STK32A: variants seen among roughly 807,000 people sequenced by gnomAD.
STK32A encodes the protein serine/threonine-protein kinase 32A.
In STK32A, 41 loss-of-function variants were observed where a neutral mutation model predicts 53.2. That is an observed-to-expected ratio of 0.77 (90% CI 0.60 to 1.00). The LOEUF is 1.00. Among genes scored for constraint, STK32A ranks in the 50% least tolerant of loss-of-function variants. The pLI is 0.00. For synonymous variants in STK32A, 166 were observed against 162.8 expected, an observed-to-expected ratio of 1.02 and a Z score of -0.15; for missense variants, 458 against 485.8, an observed-to-expected ratio of 0.94 and a Z score of 0.54.
At chr5:147,304,456 T>A in intron 4 of STK32A, among the ~76,000 whole-genome samples, 1 of 152,126 alleles carries the variant, frequency 6.6e-6, no homozygotes, top group East Asian at 1.9e-4. Flanking sequence ...AGGCAGTAAG[T>A]GAATCTGGAG....
rs1210269470 is a variant in STK32A, at chr5:147,387,347, C to A, written c.*3364C>A. ...GAACAGCAACCAGCACAGAGCATTGCTAAATTAATTACAGTAATCTAATTA... is the reference window on the plus strand; with the variant it reads ...GAACAGCAACCAGCACAGAGCATTGATAAATTAATTACAGTAATCTAATTA... On this transcript the variant is annotated 3_prime_UTR_variant, in exon 13 of 13. Coordinates refer to ENST00000397936, the MANE Select transcript of STK32A (RefSeq NM_001112724.2). 2.0e-5 allele frequency: 3 copies of A among 152,228 alleles called. No individual in the cohort carries two copies. The highest frequency in any genetic ancestry group is 4.4e-5 in the Non-Finnish European group (3 of 68,042). The allele number at this position is 152,228 out of a possible 1,614,324, so 9.4% of individuals were successfully genotyped here.
At chr5:147,274,868 G>C (rs148076673) in intron 2 of STK32A, among the ~76,000 whole-genome samples, 5 of 152,218 alleles carry the variant, frequency 3.3e-5, no homozygotes, top group Non-Finnish European at 7.4e-5. Flanking sequence ...TCTGTCTTCA[G>C]GGACTGTGCT....
At position 147,375,920 on chromosome 5, in the gene STK32A, GGTCATC is replaced by G. The variant is rs1267570281; in HGVS notation, c.1032+703_1032+708del. Reference sequence around the variant, plus strand: ...GTAATAAAGTTACTTTGCCTCTAAAGGTCATCTATCTATCCACACGACCATTTCCAT... The same window carrying G: ...GTAATAAAGTTACTTTGCCTCTAAAGTATCTATCCACACGACCATTTCCAT... On this transcript the variant is annotated intron_variant, in intron 11 of 12. Coordinates refer to ENST00000397936, the MANE Select transcript of STK32A (RefSeq NM_001112724.2). 3.3e-5 allele frequency: 5 copies of G among 152,126 alleles called. No individual in the cohort carries two copies. The East Asian group carries it at 9.6e-4, about 29-fold the overall frequency. The allele number at this position is 152,126 out of a possible 1,614,324, so 9.4% of individuals were successfully genotyped here. A position where few individuals can be genotyped will look rare whatever the true frequency, so the allele number is the denominator to read the frequency against.
chr5:147,304,463 G>A (rs1417704444), intron 4 of STK32A, among the ~76,000 whole-genome samples: 1 of 152,084 alleles, frequency 6.6e-6, no homozygotes, highest in African/African-American at 2.4e-5. Flanking sequence ...AAGTGAATCT[G>A]GAGTTCAAAG....
At chr5:147,321,293 A>C (rs968626309) in intron 4 of STK32A, among the ~76,000 whole-genome samples, 1 of 152,202 alleles carries the variant, frequency 6.6e-6, no homozygotes, top group African/African-American at 2.4e-5. Context: ...AAATCAGATG[A>C]TATGAAGTTG....
At chr5:147,274,779 G>A (rs1034936761) in intron 2 of STK32A, among the ~76,000 whole-genome samples, 2 of 152,138 alleles carry the variant, frequency 1.3e-5, no homozygotes, top group African/African-American at 4.8e-5. Context: ...TTTTATAGAT[G>A]CAGAAAGGGA....
chr5:147,278,682 A>G (rs1751889676), intron 3 of STK32A, among the ~76,000 whole-genome samples: 1 of 152,224 alleles, frequency 6.6e-6, no homozygotes, highest in South Asian at 2.1e-4. Context: ...TAGTTTCTCA[A>G]TGGAGACATA....
intron 2 of STK32A, among the ~76,000 whole-genome samples, chr5:147,241,012 G>C (rs1480914694): frequency 6.6e-6 from 1 of 152,136 alleles, no homozygotes; most frequent in Non-Finnish European, 1.5e-5. Flanking sequence ...AAGAAAGACT[G>C]GGAAATTCAG....
At chr5:147,311,930 T>C (rs1753717334) in intron 4 of STK32A, among the ~76,000 whole-genome samples, 1 of 152,012 alleles carries the variant, frequency 6.6e-6, no homozygotes, top group African/African-American at 2.4e-5. Flanking sequence ...AATACCTGGG[T>C]GCTATGGAAG....
intron 4 of STK32A, among the ~76,000 whole-genome samples, chr5:147,305,376 C>T (rs1416114691): frequency 6.6e-6 from 1 of 152,184 alleles, no homozygotes; most frequent in Non-Finnish European, 1.5e-5. Flanking sequence ...TGGCTCCACC[C>T]ACTTCCCTCA....
intron 4 of STK32A, among the ~76,000 whole-genome samples, chr5:147,308,181 C>CAT (rs1384399732): frequency 3.3e-5 from 5 of 149,546 alleles, no homozygotes; most frequent in Non-Finnish European, 5.9e-5. Context: ...CATGCATATA[C>CAT]ATATATATGC....
intron 4 of STK32A, among the ~76,000 whole-genome samples, chr5:147,298,946 A>G (rs963250028): frequency 1.3e-5 from 2 of 152,190 alleles, no homozygotes; most frequent in Non-Finnish European, 2.9e-5. Context: ...GATGGCTGCC[A>G]GATCTGGTGA....
chr5:147,336,411 T>C (rs974150979), intron 5 of STK32A, among the ~76,000 whole-genome samples: 1 of 149,728 alleles, frequency 6.7e-6, no homozygotes, highest in Admixed American at 6.6e-5. Flanking sequence ...TTCAGGGCAC[T>C]GCTCCTGGGC....
chr5:147,294,988 T>A (rs1190433267), intron 4 of STK32A, among the ~76,000 whole-genome samples: 1 of 152,214 alleles, frequency 6.6e-6, no homozygotes. Flanking sequence ...TGGCCATATC[T>A]AGTCATTTAA....
At chr5:147,252,957 A>G (rs1316537391) in intron 2 of STK32A, among the ~76,000 whole-genome samples, 1 of 152,194 alleles carries the variant, frequency 6.6e-6, no homozygotes, top group Non-Finnish European at 1.5e-5. Flanking sequence ...GTGTATGTGT[A>G]TAAAAGACAC....
chr5:147,353,234 C>T (rs1028953112), intron 7 of STK32A, among the ~76,000 whole-genome samples: 2 of 152,156 alleles, frequency 1.3e-5, no homozygotes, highest in Admixed American at 6.5e-5. Flanking sequence ...ACCTCCATAC[C>T]GGGGTGGCTG....
At chr5:147,302,751 C>A (rs1014499170) in intron 4 of STK32A, among the ~76,000 whole-genome samples, 8 of 152,094 alleles carry the variant, frequency 5.3e-5, no homozygotes, top group African/African-American at 1.7e-4. Flanking sequence ...ACATGCCATG[C>A]GACTCACTCA....
Position 147,383,992 on chromosome 5 carries a change from T to C in STK32A, c.*9T>C. 6.3e-7 allele frequency: 1 copy of C among 1,597,708 alleles called. No individual in the cohort carries two copies. Among genetic ancestry groups the C allele is most frequent in the Non-Finnish European group, 8.5e-7 (1 of 1,175,112 alleles). ...AGAATAACAACTTGTAAAGGCCTCA[T>C]GTCTTCTTCTTGGGACAATCTCATG... On this transcript the variant is annotated 3_prime_UTR_variant, in exon 13 of 13. Coordinates refer to ENST00000397936, the MANE Select transcript of STK32A (RefSeq NM_001112724.2).
Position 147,322,901 on chromosome 5 carries a change from C to T in STK32A, c.261-997C>T, listed in dbSNP as rs940484480. Among the ~76,000 whole-genome samples the T allele has an allele frequency of 4.2e-4, 64 of 152,148 alleles. 1 individual carries two copies. Among genetic ancestry groups the T allele is most frequent in the African/African-American group, 1.5e-3 (62 of 41,442 alleles). On this transcript the variant is annotated intron_variant, in intron 4 of 12. Transcript: ENST00000397936. ...CAGTGACTGGGGGTCACTGCAGATG[C>T]GTGCACAGGGTCCTGTTATGGGATC...
Sources: gnomAD v4.1 joint callset for allele counts (sites outside exome capture counted in the v4.1 genomes callset) on GRCh38, gnomAD v4.1.1 for gene constraint, MANE v1.5 for transcripts, NCBI Gene and HGNC (gene_info 2026-07-23, HGNC 2026-07-21) for gene names.